Variants in BCL2L11 observed in about 807,000 individuals in gnomAD.
The protein encoded by BCL2L11 is BCL2 like 11, also known as bcl-2-like protein 11.
BCL2L11 carries 15 observed loss-of-function variants against 20.6 expected under a neutral mutation model. The observed-to-expected ratio is 0.73, with a 90% CI of 0.49 to 1.12. The LOEUF (loss-of-function observed/expected upper bound fraction) is 1.12, where lower values mean the gene tolerates loss of function less well. Among genes scored for constraint, BCL2L11 ranks in the 50% most tolerant of loss-of-function variants. The pLI is 0.00. For missense variants in BCL2L11, 292 were observed against 260.9 expected, an observed-to-expected ratio of 1.12 and a Z score of -0.82; for synonymous variants, 108 against 92.8, an observed-to-expected ratio of 1.16 and a Z score of -0.94.
At chr2:111,146,792 G>A (rs1334391390) in intron 2 of BCL2L11, among the ~76,000 whole-genome samples, 1 of 152,118 alleles carries the variant, frequency 6.6e-6, no homozygotes, top group Non-Finnish European at 1.5e-5. Context: ...TGTACTAACA[G>A]ATTAAAACTA....
At chr2:111,157,769 G>A (rs1028417380) in intron 3 of BCL2L11, among the ~76,000 whole-genome samples, 1 of 152,224 alleles carries the variant, frequency 6.6e-6, no homozygotes, top group African/African-American at 2.4e-5. Context: ...TCAAAAATAG[G>A]ATAAAAGTTT....
intron 3 of BCL2L11, among the ~76,000 whole-genome samples, chr2:111,150,485 C>T (rs916877944): frequency 2.6e-5 from 4 of 152,142 alleles, no homozygotes; most frequent in African/African-American, 9.7e-5. Flanking sequence ...TTCTGTACTC[C>T]CCTTGTGCAT....
At chr2:111,152,950 A>G (rs1485274663) in intron 3 of BCL2L11, among the ~76,000 whole-genome samples, 1 of 152,248 alleles carries the variant, frequency 6.6e-6, no homozygotes, top group Non-Finnish European at 1.5e-5. Context: ...GTGCAAAAAT[A>G]CAGTCACAAA....
chr2:111,133,902 C>T (rs1036785464), intron 2 of BCL2L11, among the ~76,000 whole-genome samples: 1 of 152,150 alleles, frequency 6.6e-6, no homozygotes, highest in Non-Finnish European at 1.5e-5. Flanking sequence ...TTGGAGTTTA[C>T]ACATTTAAAA....
chr2:111,122,575 G>A, intron 1 of BCL2L11: 2 of 981,630 alleles, frequency 2.0e-6, no homozygotes, highest in East Asian at 1.1e-4. Context: ...CGGGCACCCG[G>A]CGCCAGCGGC....
At position 111,124,051 on chromosome 2, in the gene BCL2L11, C is replaced by G. The variant is rs776591386; in HGVS notation, c.306C>G (p.Asp102Glu). Residue 102 changes from aspartate to glutamate, a missense_variant, in exon 2 of 4, where the codon GAC (aspartate) becomes GAG (glutamate). By Grantham distance (45) the Asp-to-Glu change is conservative. Coordinates refer to ENST00000393256, the MANE Select transcript of BCL2L11 (RefSeq NM_138621.5). ...GTGGGTATTTCTCTTTTGACACAGA[C>G]AGGAGCCCAGCACCCATGAGTTGTG... ...SSSGYFSFDT[D>E]RSPAPMSCDK... 2.4e-5 allele frequency: 38 copies of G among 1,614,074 alleles called. No individual in the cohort carries two copies. The highest frequency in any genetic ancestry group is 3.1e-5 in the Non-Finnish European group (37 of 1,180,036).
intron 2 of BCL2L11, among the ~76,000 whole-genome samples, chr2:111,135,038 G>A (rs189325257): frequency 2.1e-4 from 32 of 152,192 alleles, no homozygotes; most frequent in Admixed American, 1.8e-3. Context: ...GGAGTTTCAC[G>A]TTTTATGCCA....
chr2:111,122,906 T>C, intron 1 of BCL2L11: 1 of 985,210 alleles, frequency 1.0e-6, no homozygotes. Context: ...CGCTGCGCTC[T>C]GAAGGGAAGG....
rs547234447 is a variant in BCL2L11 at position 111,152,828 on chromosome 2, C to T, written c.498+2681C>T. Among the ~76,000 whole-genome samples the T allele has an allele frequency of 3.9e-5, 6 of 152,296 alleles. No homozygotes were observed. In the East Asian group the frequency reaches 1.2e-3, roughly 29 times the overall value. Reference sequence around the variant, plus strand: ...TTTAAGATGGTCATGTCTGTGTTTCCAATAAGATGCAACCTATTGTTCCCA... The same window carrying T: ...TTTAAGATGGTCATGTCTGTGTTTCTAATAAGATGCAACCTATTGTTCCCA... On this transcript the variant is annotated intron_variant, in intron 3 of 3. Coordinates refer to ENST00000393256, the MANE Select transcript of BCL2L11 (RefSeq NM_138621.5).
At chr2:111,151,868 GA>G (rs1208579906) in intron 3 of BCL2L11, 2 of 1,549,572 alleles carry the variant, frequency 1.3e-6, no homozygotes, top group East Asian at 4.9e-5. Context: ...CCAGTTCACA[GA>G]ACATTCCAGC....
Position 111,120,979 on chromosome 2 carries a change from TGCCGCCGCCGCCGCCGCCGCC to T in BCL2L11, c.-201_-181del, listed in dbSNP as rs5833391. The T allele has an allele frequency of 1.4e-4, 47 of 336,238 alleles. No homozygotes were observed. The highest frequency in any genetic ancestry group is 4.3e-4 in the South Asian group (8 of 18,682). The allele number at this position is 336,238 out of a possible 1,614,324, so 20.8% of individuals were successfully genotyped here. A position where few individuals can be genotyped will look rare whatever the true frequency, so the allele number is the denominator to read the frequency against. ...GCTCTGCGTCCAGCGCCGCTGCCGC[TGCCGCCGCCGCCGCCGCCGCC>T]GCCGCCGCCGCCGCCGCCGCCACTA... On this transcript the variant is annotated 5_prime_UTR_variant, in exon 1 of 4. Coordinates refer to ENST00000393256, the MANE Select transcript of BCL2L11 (RefSeq NM_138621.5).
intron 2 of BCL2L11, among the ~76,000 whole-genome samples, chr2:111,137,909 G>A (rs550022660): frequency 6.6e-6 from 1 of 151,898 alleles, no homozygotes; most frequent in East Asian, 1.9e-4. Context: ...GAAGTTCATT[G>A]GCATATCAAA....
intron 2 of BCL2L11, among the ~76,000 whole-genome samples, chr2:111,146,998 G>T (rs142162747): frequency 9.2e-4 from 140 of 152,282 alleles, no homozygotes; most frequent in African/African-American, 3.2e-3. Flanking sequence ...TAAAAAAATA[G>T]TGATAGGTGC....
intron 2 of BCL2L11, among the ~76,000 whole-genome samples, chr2:111,147,390 A>ACCCG (rs1553500144): frequency 5.8e-5 from 8 of 138,256 alleles, no homozygotes; most frequent in Non-Finnish European, 9.5e-5. Context: ...ACACACACAC[A>ACCCG]CCCGCCATTT....
chr2:111,121,037 T>G lies in BCL2L11; in HGVS notation c.-165T>G. 2.7e-6 allele frequency: 1 copy of G among 374,494 alleles called. No homozygotes were observed. Among genetic ancestry groups the G allele is most frequent in the East Asian group, 5.4e-5 (1 of 18,604 alleles). The allele number at this position is 374,494 out of a possible 1,614,324, so 23.2% of individuals were successfully genotyped here. On this transcript the variant is annotated 5_prime_UTR_variant, in exon 1 of 4. Transcript: ENST00000393256. Reference sequence around the variant, plus strand: ...CGCCGCCGCCACTACCACCACTTGATTCTTGCAGCCACCCTGCGAACCCTG... The same window carrying G: ...CGCCGCCGCCACTACCACCACTTGAGTCTTGCAGCCACCCTGCGAACCCTG...
At chr2:111,122,891 CCGGACGCTGCGCTCTGAAGGGAAGGCG>C (rs2071452146) in intron 1 of BCL2L11, 6 of 985,368 alleles carry the variant, frequency 6.1e-6, no homozygotes, top group South Asian at 4.7e-5. Context: ...GGTCCCTGGC[CCGGACGCTGCGCTCTGAAGGGAAGGCG>C]CGGACGTGAG....
At chr2:111,154,031 T>C (rs1367212413) in intron 3 of BCL2L11, 6 of 1,081,828 alleles carry the variant, frequency 5.5e-6, no homozygotes, top group African/African-American at 1.6e-5. Context: ...CAGTGGATTT[T>C]GGTAACTTCA....
chr2:111,126,123 G>A (rs1233003667), intron 2 of BCL2L11, among the ~76,000 whole-genome samples: 2 of 152,136 alleles, frequency 1.3e-5, no homozygotes, highest in Non-Finnish European at 2.9e-5. Context: ...GGTCTCTGTA[G>A]GTGATGGGTT....
At chr2:111,140,793 A>G (rs1202422789) in intron 2 of BCL2L11, among the ~76,000 whole-genome samples, 7 of 152,270 alleles carry the variant, frequency 4.6e-5, no homozygotes, top group African/African-American at 1.4e-4. Flanking sequence ...ACAACTTAAG[A>G]AAAAGTTTGA....
Sources: allele counts gnomAD v4.1 joint callset (sites outside exome capture counted in the v4.1 genomes callset), GRCh38; gene constraint gnomAD v4.1.1; transcripts MANE v1.5; gene names NCBI Gene and HGNC (gene_info 2026-07-23, HGNC 2026-07-21).